The following FHIP2A variants were observed in gnomAD, a reference collection of about 807,000 sequenced individuals.
FHIP2A encodes FHF complex subunit HOOK interacting protein 2A.
Under a neutral mutation model 93.5 loss-of-function variants are expected in FHIP2A, and 46 were observed. The ratio of observed to expected loss-of-function variants is 0.49; its 90% CI spans 0.39 to 0.63. The LOEUF (loss-of-function observed/expected upper bound fraction) is 0.63. Ranked by LOEUF, FHIP2A falls within the 20% of genes least tolerant of loss-of-function variation. FHIP2A has a pLI of 0.00. For missense variants in FHIP2A, 769 were observed against 909.7 expected (o/e 0.85, Z 1.99); for synonymous variants, 332 against 326.5 (o/e 1.02, Z -0.18).
chr10:114,832,857 G>A (rs1014831171), intron 2 of FHIP2A, among the ~76,000 whole-genome samples: 6 of 151,866 alleles, frequency 4.0e-5, no homozygotes, highest in African/African-American at 7.3e-5. Context: ...AATCACAGGC[G>A]CCTGCCACCA....
intron 1 of FHIP2A, among the ~76,000 whole-genome samples, chr10:114,830,326 G>T (rs1042550534): frequency 7.0e-6 from 1 of 142,938 alleles, no homozygotes; most frequent in Non-Finnish European, 1.5e-5. Context: ...AGGCTGGAGT[G>T]CAGTGGCGCA....
At chr10:114,892,034 C>G (rs927248880) in intron 16 of FHIP2A, among the ~76,000 whole-genome samples, 6 of 151,940 alleles carry the variant, frequency 3.9e-5, no homozygotes, top group Admixed American at 6.6e-5. Context: ...ACAATATTAA[C>G]CACAAAACTG....
chr10:114,848,026 G>A (rs923638284), intron 12 of FHIP2A, among the ~76,000 whole-genome samples: 1 of 152,134 alleles, frequency 6.6e-6, no homozygotes, highest in African/African-American at 2.4e-5. Flanking sequence ...ATTGAGAATT[G>A]CTGGTTTGAT....
At chr10:114,860,314 A>T (rs904538370) in intron 14 of FHIP2A, among the ~76,000 whole-genome samples, 2 of 152,192 alleles carry the variant, frequency 1.3e-5, no homozygotes, top group African/African-American at 4.8e-5. Context: ...TTCATTGCAG[A>T]AGAGCATGCG....
At chr10:114,833,898 A>G (rs895196826) in intron 3 of FHIP2A, among the ~76,000 whole-genome samples, 1 of 152,212 alleles carries the variant, frequency 6.6e-6, no homozygotes, top group African/African-American at 2.4e-5. Flanking sequence ...CAAATTACTT[A>G]TAGAGACAAG....
At chr10:114,875,147 C>CG (rs2083878384) in intron 16 of FHIP2A, among the ~76,000 whole-genome samples, 1 of 152,116 alleles carries the variant, frequency 6.6e-6, no homozygotes, top group South Asian at 2.1e-4. Context: ...GGCTCAGTTC[C>CG]GAGGGAAGGA....
chr10:114,861,700 G>A lies in FHIP2A; in HGVS notation c.*160G>A. The A allele has an allele frequency of 2.1e-6, 3 of 1,403,910 alleles. No homozygotes were observed. The highest frequency in any genetic ancestry group is 3.1e-5 in the South Asian group (2 of 63,700). The allele number at this position is 1,403,910 out of a possible 1,614,324, so 87.0% of individuals were successfully genotyped here. ...AAGAACCTATTGAGTGGACATTCTT[G>A]GTGAAATGTTGTATAATGTTGTTTT... On this transcript the variant is annotated 3_prime_UTR_variant, in exon 17 of 17. Transcript: ENST00000369248.
intron 14 of FHIP2A, among the ~76,000 whole-genome samples, chr10:114,858,882 G>A (rs1050315583): frequency 6.6e-6 from 1 of 152,198 alleles, no homozygotes; most frequent in East Asian, 1.9e-4. Context: ...TTCCCAACAC[G>A]AAGAAAAGAT....
rs2083526388 is a variant in FHIP2A, at chr10:114,821,938, C to T, written c.-141C>T. 5.0e-6 allele frequency: 2 copies of T among 401,472 alleles called. No individual in the cohort carries two copies. The highest frequency in any genetic ancestry group is 8.2e-6 in the Non-Finnish European group (2 of 242,838). The allele number at this position is 401,472 out of a possible 1,614,324, so 24.9% of individuals were successfully genotyped here. A position where few individuals can be genotyped will look rare whatever the true frequency, so the allele number is the denominator to read the frequency against. On this transcript the variant is annotated 5_prime_UTR_variant, in exon 1 of 17. Transcript: ENST00000369248. ...CCTGAAGCGGCCGGGCCAGGCCCTG[C>T]CTCGATCCTCAGCTCGTCCTCCCCG...
downstream of FHIP2A, among the ~76,000 whole-genome samples, chr10:114,866,524 T>C (rs2083830079): frequency 6.6e-6 from 1 of 152,240 alleles, no homozygotes; most frequent in African/African-American, 2.4e-5. Context: ...CTCTGTTATA[T>C]CATTTCTAAA....
intron 16 of FHIP2A, among the ~76,000 whole-genome samples, chr10:114,881,417 C>T (rs990602256): frequency 3.3e-5 from 5 of 152,118 alleles, no homozygotes; most frequent in African/African-American, 9.7e-5. Flanking sequence ...TCACCGGCAC[C>T]CTATGAGGCA....
At position 114,860,812 on chromosome 10, in the gene FHIP2A, C is replaced by T. The variant is rs746605712; in HGVS notation, c.2011C>T (p.His671Tyr). ...TAGACTTTCTCTCTTCCCTCATCCA[C>T]ACATCCACGAGTACCTTTTGGATCC... ...LSRLSLFPHP[H>Y]IHEYLLDPYV... is the part of the protein sequence containing the mutation. Residue 671 changes from histidine (H) to tyrosine (Y), a missense_variant, in exon 15 of 17, where the codon CAC becomes TAC. Coordinates refer to ENST00000369248, the MANE Select transcript of FHIP2A (RefSeq NM_020940.4). 1.4e-5 allele frequency: 22 copies of T among 1,608,524 alleles called. No individual in the cohort carries two copies.
chr10:114,893,905 T>C (rs377640923), intron 16 of FHIP2A, among the ~76,000 whole-genome samples: 1 of 152,012 alleles, frequency 6.6e-6, no homozygotes, highest in Non-Finnish European at 1.5e-5. Flanking sequence ...ACAGTCCTAA[T>C]GAGAGAGAGA....
At chr10:114,872,430 T>C (rs984988965) in intron 16 of FHIP2A, among the ~76,000 whole-genome samples, 2 of 152,320 alleles carry the variant, frequency 1.3e-5, no homozygotes, top group Admixed American at 1.3e-4. Flanking sequence ...TTATGGTTCT[T>C]TTTTGTATGA....
intron 16 of FHIP2A, among the ~76,000 whole-genome samples, chr10:114,872,428 C>CT (rs977339327): frequency 1.3e-5 from 2 of 152,106 alleles, no homozygotes; most frequent in African/African-American, 4.8e-5. Flanking sequence ...AATTATGGTT[C>CT]TTTTTTGTAT....
chr10:114,877,506 G>A (rs2083895598), intron 16 of FHIP2A, among the ~76,000 whole-genome samples: 1 of 151,698 alleles, frequency 6.6e-6, no homozygotes, highest in Admixed American at 6.6e-5. Flanking sequence ...CTGAAGGATC[G>A]AATCACCTAC....
chr10:114,827,524 C>G (rs570839951), intron 1 of FHIP2A, among the ~76,000 whole-genome samples: 3 of 152,152 alleles, frequency 2.0e-5, no homozygotes, highest in East Asian at 1.9e-4. Context: ...TAGGCCGGGC[C>G]CGGTGGCTCA....
chr10:114,837,768 A>T (rs926490536), intron 5 of FHIP2A, among the ~76,000 whole-genome samples: 1 of 152,148 alleles, frequency 6.6e-6, no homozygotes, highest in African/African-American at 2.4e-5. Context: ...CTCTTTCCCA[A>T]AAAGTCATAG....
intron 7 of FHIP2A, among the ~76,000 whole-genome samples, chr10:114,844,569 C>A (rs2083688914): frequency 6.6e-6 from 1 of 152,020 alleles, no homozygotes. Context: ...TAGGGCAGAC[C>A]CACTTGTTAA....
Sources: gnomAD v4.1 joint callset for allele counts (sites outside exome capture counted in the v4.1 genomes callset) on GRCh38, gnomAD v4.1.1 for gene constraint, MANE v1.5 for transcripts, NCBI Gene and HGNC (gene_info 2026-07-23, HGNC 2026-07-21) for gene names.